CLDN14: variants seen among roughly 807,000 people sequenced by gnomAD.
The protein encoded by CLDN14 is claudin-14.
In CLDN14, 2 loss-of-function variants were observed where a neutral mutation model predicts 2.1. That is an observed-to-expected ratio of 0.96 (90% CI 0.39 to 3.01). CLDN14 has a LOEUF of 3.01. Ranked by LOEUF, CLDN14 falls within the 30% of genes most tolerant of loss-of-function variation. The probability of loss-of-function intolerance (pLI) is 0.09; values close to 1 mark genes in which losing one functional copy is unlikely to be tolerated. For synonymous variants in CLDN14, 136 were observed against 154.4 expected (o/e 0.88, Z 0.88); for missense variants, 298 against 328.0 (o/e 0.91, Z 0.71).
chr21:36,543,536 G>A (rs1601631712), intron 1 of CLDN14, among the ~76,000 whole-genome samples: 1 of 152,316 alleles, frequency 6.6e-6, no homozygotes, highest in South Asian at 2.1e-4. Context: ...TCATTTGATA[G>A]TAATACTTAC....
Position 36,574,872 on chromosome 21 carries a change from A to G in CLDN14, c.-220+1539T>C, listed in dbSNP as rs146097593. 3.2e-3 allele frequency among the ~76,000 whole-genome samples: 482 copies of G among 152,278 alleles called. 1 individual carries two copies. Among genetic ancestry groups the G allele is most frequent in the African/African-American group, 0.011 (447 of 41,562 alleles). On this transcript the variant is annotated intron_variant, in intron 1 of 2. Transcript: ENST00000342108. ...GTTACATTTCTCTAGGATCCAGGCC[A>G]TGAAAGTCCTTAAAGCTATCAAACC...
chr21:36,502,024 G>T (rs2087096179), intron 2 of CLDN14, among the ~76,000 whole-genome samples: 2 of 151,904 alleles, frequency 1.3e-5, no homozygotes, highest in Admixed American at 1.3e-4. Flanking sequence ...GTTTGTAGAG[G>T]TTGGAAGAGG....
In CLDN14 at chr21:36,502,943, C is replaced by T. The variant is rs570892984; in HGVS notation, c.-82+7420G>A. Among the ~76,000 whole-genome samples the T allele has an allele frequency of 5.9e-5, 9 of 152,304 alleles. No homozygotes were observed. In the South Asian group the frequency reaches 1.9e-3, roughly 32 times the overall value. On this transcript the variant is annotated intron_variant, in intron 2 of 2. Transcript: ENST00000342108. The stretch of plus-strand genomic sequence containing the variant: ...TTAATGAATGGGCCCCACTCCTAGA[C>T]CAATTAATTCAGATCTCTGAGAAGT...
intron 1 of CLDN14, 25 bp from the exon 2 acceptor site, chr21:36,461,801 G>C: frequency 6.9e-7 from 1 of 1,452,558 alleles, no homozygotes; most frequent in South Asian, 1.3e-5. Flanking sequence ...GGAGGCGGGA[G>C]CAGGGAGAGA....
intron 1 of CLDN14, among the ~76,000 whole-genome samples, chr21:36,517,547 G>A (rs921835023): frequency 6.6e-6 from 1 of 152,188 alleles, no homozygotes; most frequent in Non-Finnish European, 1.5e-5. Context: ...TCCCAAGAGG[G>A]TGTAGAGAAA....
At chr21:36,487,959 G>C (rs2086914374) in intron 2 of CLDN14, among the ~76,000 whole-genome samples, 1 of 152,158 alleles carries the variant, frequency 6.6e-6, no homozygotes, top group Admixed American at 6.5e-5. Flanking sequence ...AAAATATAAA[G>C]AGATCAAAAG....
At chr21:36,568,228 G>C (rs560360001) in intron 1 of CLDN14, among the ~76,000 whole-genome samples, 1 of 152,288 alleles carries the variant, frequency 6.6e-6, no homozygotes, top group African/African-American at 2.4e-5. Context: ...AGCTGCTAAG[G>C]TGGACAAAGG....
intron 2 of CLDN14, chr21:36,486,059 CA>C: frequency 7.1e-7 from 1 of 1,410,362 alleles, no homozygotes; most frequent in Non-Finnish European, 1.0e-6. Flanking sequence ...CACAGCGTTT[CA>C]AATGGCTTCA....
In CLDN14 at chr21:36,551,446, A is replaced by G. The variant is rs2087563138; in HGVS notation, c.-220+24965T>C. On this transcript the variant is annotated intron_variant, in intron 1 of 2. Transcript: ENST00000342108. This position sits in a 1 kb window ranked among gnomAD's most constrained non-coding sequence, Gnocchi z 4.8. ...TGCCTCTCTTCCCTCTTCAGCCCAC[A>G]AACTCCTTGAGGTCTGAGCATCATT... 1.3e-5 allele frequency among the ~76,000 whole-genome samples: 2 copies of G among 152,088 alleles called. No individual in the cohort carries two copies. The highest frequency in any genetic ancestry group is 4.8e-5 in the African/African-American group (2 of 41,404).
chr21:36,478,004 A>G (rs1399585358), intron 1 of CLDN14, among the ~76,000 whole-genome samples: 3 of 152,250 alleles, frequency 2.0e-5, no homozygotes. Context: ...AGCCTTGAAA[A>G]CAGACTTTTA....
At chr21:36,491,860 G>C (rs2086968878) in intron 2 of CLDN14, among the ~76,000 whole-genome samples, 1 of 152,124 alleles carries the variant, frequency 6.6e-6, no homozygotes, top group East Asian at 1.9e-4. Flanking sequence ...GCTCTGGGCT[G>C]GGGTCTCACC....
At chr21:36,489,124 A>AAAAAAAT (rs1555847018) in intron 2 of CLDN14, among the ~76,000 whole-genome samples, 1 of 95,242 alleles carries the variant, frequency 1.0e-5, no homozygotes. Context: ...AAAGAAAAAA[A>AAAAAAAT]AAAAAAAATA....
chr21:36,481,173 A>G (rs578074583), upstream of CLDN14: 362 of 152,308 alleles, frequency 2.4e-3, 4 homozygotes, highest in African/African-American at 8.5e-3. Context: ...TTCACTATCT[A>G]TGCCAGGAAA....
At chr21:36,538,154 G>A (rs2087445590) in intron 1 of CLDN14, among the ~76,000 whole-genome samples, 1 of 152,120 alleles carries the variant, frequency 6.6e-6, no homozygotes, top group Non-Finnish European at 1.5e-5. Flanking sequence ...TTGGATGGAG[G>A]TCTATGAAAG....
intron 2 of CLDN14, among the ~76,000 whole-genome samples, chr21:36,493,096 G>T (rs2086984714): frequency 6.6e-6 from 1 of 152,212 alleles, no homozygotes; most frequent in Admixed American, 6.5e-5. Flanking sequence ...ATACTGTTGA[G>T]CACGTGTTTT....
intron 2 of CLDN14, among the ~76,000 whole-genome samples, chr21:36,505,654 A>G (rs1450222661): frequency 6.6e-6 from 1 of 152,228 alleles, no homozygotes; most frequent in Non-Finnish European, 1.5e-5. Flanking sequence ...TGCCCAATGT[A>G]GACAATCAGC....
intron 1 of CLDN14, among the ~76,000 whole-genome samples, chr21:36,537,549 T>C (rs1369288165): frequency 6.6e-6 from 1 of 152,228 alleles, no homozygotes; most frequent in Non-Finnish European, 1.5e-5. Context: ...CGCAGATACA[T>C]AGGAGAATGT....
chr21:36,478,601 A>G lies in CLDN14; in HGVS notation c.-82+894T>C, dbSNP rs375947545. Among the ~76,000 whole-genome samples, 9 of 152,248 alleles carry G rather than the reference A, an allele frequency of 5.9e-5. No homozygotes were observed. In the East Asian group the frequency reaches 9.6e-4, roughly 16 times the overall value. On this transcript the variant is annotated intron_variant, in intron 1 of 1. Transcript: ENST00000399135. ...ATGAACGCTGAGCTCAGATGACAGC[A>G]TCTTTTCACAGCAGACCTGGGCCCA...
intron 1 of CLDN14, among the ~76,000 whole-genome samples, chr21:36,528,927 C>G (rs956107332): frequency 6.6e-6 from 1 of 152,166 alleles, no homozygotes; most frequent in Non-Finnish European, 1.5e-5. Flanking sequence ...GACGCGAGCT[C>G]GGCTGCGGCT....
Sources: gnomAD v4.1 joint callset for allele counts (sites outside exome capture counted in the v4.1 genomes callset) on GRCh38, gnomAD v4.1.1 for gene constraint, Gnocchi (gnomAD v3.1) non-coding constraint, MANE v1.5 for transcripts, NCBI Gene and HGNC (gene_info 2026-07-23, HGNC 2026-07-21) for gene names.